Variants in IGF1 observed in about 807,000 individuals in gnomAD.
IGF1 encodes insulin-like growth factor 1.
Under a neutral mutation model 13.8 loss-of-function variants are expected in IGF1, and 4 were observed. The observed-to-expected ratio is 0.29, with a 90% CI of 0.14 to 0.66. The LOEUF is 0.66. IGF1 is among the 30% of genes least tolerant of loss of function. The pLI is 0.78. For missense variants in IGF1, 124 were observed against 188.5 expected, an observed-to-expected ratio of 0.66 and a Z score of 2.00; for synonymous variants, 76 against 72.6, an observed-to-expected ratio of 1.05 and a Z score of -0.23.
chr12:102,402,645 C>T, intron 3 of IGF1, 79 bp from the exon 4 acceptor site: 1 of 773,020 alleles, frequency 1.3e-6, no homozygotes, highest in Non-Finnish European at 2.4e-6. Flanking sequence ...GGGCCTCAAC[C>T]TTCCATGTCT....
intron 2 of IGF1, among the ~76,000 whole-genome samples, chr12:102,434,222 A>C (rs368190162): frequency 1.3e-5 from 2 of 148,896 alleles, no homozygotes; most frequent in African/African-American, 5.0e-5. Flanking sequence ...ATATGTATAC[A>C]TGTGCCATGC....
At chr12:102,410,759 A>T (rs1874568866) in intron 3 of IGF1, among the ~76,000 whole-genome samples, 1 of 152,204 alleles carries the variant, frequency 6.6e-6, no homozygotes, top group Admixed American at 6.5e-5. Flanking sequence ...GTGTGTGACA[A>T]ATCTGGGCAG....
intron 2 of IGF1, among the ~76,000 whole-genome samples, chr12:102,444,172 G>A (rs1445192529): frequency 6.6e-6 from 1 of 151,930 alleles, no homozygotes; most frequent in East Asian, 1.9e-4. Context: ...GCTATTGGGT[G>A]TGAGGAGTCA....
At chr12:102,441,909 T>TGCTGCTGCTGCTG (rs1444900609) in intron 2 of IGF1, among the ~76,000 whole-genome samples, 1 of 19,706 alleles carries the variant, frequency 5.1e-5, no homozygotes, top group Admixed American at 5.9e-4. Flanking sequence ...TTACACTGCT[T>TGCTGCTGCTGCTG]CTTCTCCTTC....
intron 2 of IGF1, among the ~76,000 whole-genome samples, chr12:102,444,903 G>A (rs1878180055): frequency 1.3e-5 from 2 of 152,072 alleles, no homozygotes; most frequent in African/African-American, 4.8e-5. Flanking sequence ...GACAAATTTT[G>A]CTGAGTCACT....
At chr12:102,429,507 A>G (rs998516866) in intron 2 of IGF1, among the ~76,000 whole-genome samples, 2 of 152,190 alleles carry the variant, frequency 1.3e-5, no homozygotes, top group Non-Finnish European at 1.5e-5. Context: ...GAAATGAACT[A>G]TGAATAAGGA....
chr12:102,417,382 G>T, intron 3 of IGF1: 1 of 260,560 alleles, frequency 3.8e-6, no homozygotes, highest in Non-Finnish European at 6.0e-6. Flanking sequence ...ACACAATTCA[G>T]TCTTGCTGAG....
chr12:102,420,909 G>A (rs373955579), intron 2 of IGF1, among the ~76,000 whole-genome samples: 15 of 152,156 alleles, frequency 9.9e-5, no homozygotes, highest in Admixed American at 5.9e-4. Context: ...AAAACATTAC[G>A]TTTTAAATCA....
chr12:102,475,104 A>C (rs1007624597), intron 2 of IGF1, among the ~76,000 whole-genome samples: 4 of 152,210 alleles, frequency 2.6e-5, no homozygotes, highest in Non-Finnish European at 4.4e-5. Context: ...TGTATTTGCA[A>C]ACAGGCCTGC....
At chr12:102,454,696 A>G (rs1879242888) in intron 2 of IGF1, among the ~76,000 whole-genome samples, 1 of 152,224 alleles carries the variant, frequency 6.6e-6, no homozygotes, top group Admixed American at 6.5e-5. Flanking sequence ...GAGTTATCCA[A>G]TGTGGATGTA....
upstream of IGF1, chr12:102,480,749 T>C: frequency 2.5e-6 from 1 of 400,470 alleles, no homozygotes; most frequent in South Asian, 3.5e-5. Context: ...CACAGAAGCA[T>C]TTTTTTCCCT....
intron 2 of IGF1, among the ~76,000 whole-genome samples, chr12:102,439,361 T>A (rs1877510843): frequency 6.6e-6 from 1 of 152,166 alleles, no homozygotes; most frequent in Non-Finnish European, 1.5e-5. Context: ...CAGATGGCAC[T>A]AAGTCAGGTA....
intron 1 of IGF1, among the ~76,000 whole-genome samples, chr12:102,477,481 C>G (rs2162679): frequency 6.6e-6 from 1 of 151,172 alleles, no homozygotes; most frequent in Non-Finnish European, 1.5e-5. Flanking sequence ...TCTTCCACCC[C>G]CTACATAGCC....
intron 2 of IGF1, among the ~76,000 whole-genome samples, chr12:102,470,917 G>A (rs988297110): frequency 6.6e-6 from 1 of 152,180 alleles, no homozygotes; most frequent in Admixed American, 6.5e-5. Context: ...ATACTCACTT[G>A]ACCTCACAGT....
chr12:102,405,619 T>C (rs1874090161), intron 3 of IGF1, among the ~76,000 whole-genome samples: 1 of 152,178 alleles, frequency 6.6e-6, no homozygotes, highest in Admixed American at 6.5e-5. Flanking sequence ...ACACACTAAT[T>C]TGAATTTTAC....
intron 3 of IGF1, among the ~76,000 whole-genome samples, chr12:102,412,730 A>G (rs960322708): frequency 6.6e-6 from 1 of 152,234 alleles, no homozygotes; most frequent in East Asian, 1.9e-4. Flanking sequence ...GAACTTTCTT[A>G]GGGGCTCTCT....
At position 102,396,367 on chromosome 12, in the gene IGF1, G is replaced by C. The variant is rs1204339762; in HGVS notation, c.*6140C>G. 2 of 152,312 alleles carry C rather than the reference G, an allele frequency of 1.3e-5. No individual in the cohort carries two copies. Among genetic ancestry groups the C allele is most frequent in the African/African-American group, 4.8e-5 (2 of 41,456 alleles). 9.4% of individuals were successfully genotyped at this position (152,312 alleles called of 1,614,324 possible). A position where few individuals can be genotyped will look rare whatever the true frequency, so the allele number is the denominator to read the frequency against. On this transcript the variant is annotated 3_prime_UTR_variant, in exon 4 of 4. Coordinates refer to ENST00000337514, the MANE Select transcript of IGF1 (RefSeq NM_000618.5). ...TTGAAAGGTTTTGATATTTTGAATA[G>C]ACATTTTCATGATACACAGACACAG...
chr12:102,420,089 G>T (rs930775741), intron 2 of IGF1, among the ~76,000 whole-genome samples: 1 of 152,162 alleles, frequency 6.6e-6, no homozygotes, highest in Non-Finnish European at 1.5e-5. Context: ...TTATAAGCAG[G>T]ACAGCTCACA....
chr12:102,452,257 G>C (rs529970368), intron 2 of IGF1, among the ~76,000 whole-genome samples: 7 of 44,034 alleles, frequency 1.6e-4, no homozygotes, highest in Admixed American at 4.7e-4. Context: ...GCGAGACTCC[G>C]TCTCAAAAAA....
Sources: gnomAD v4.1 joint callset for allele counts (sites outside exome capture counted in the v4.1 genomes callset) on GRCh38, gnomAD v4.1.1 for gene constraint, MANE v1.5 for transcripts, NCBI Gene and HGNC (gene_info 2026-07-23, HGNC 2026-07-21) for gene names.